NUDT3: variants seen among roughly 807,000 people sequenced by gnomAD.
The protein encoded by NUDT3 is diphosphoinositol polyphosphate phosphohydrolase 1.
Under a neutral mutation model 23.6 loss-of-function variants are expected in NUDT3, and 9 were observed. The ratio of observed to expected loss-of-function variants is 0.38; its 90% confidence interval spans 0.23 to 0.66. The LOEUF (loss-of-function observed/expected upper bound fraction) is 0.66, where lower values mean the gene tolerates loss of function less well. Among genes scored for constraint, NUDT3 ranks in the 30% least tolerant of loss-of-function variants. The pLI is 0.52. For missense variants in NUDT3, 172 were observed against 218.5 expected (o/e 0.79, Z 1.34); for synonymous variants, 86 against 82.6 (o/e 1.04, Z -0.22).
chr6:34,391,928 T>G (rs1014888783), intron 1 of NUDT3, among the ~76,000 whole-genome samples: 1 of 152,128 alleles, frequency 6.6e-6, no homozygotes, highest in African/African-American at 2.4e-5. Context: ...TCAAAGCCGT[T>G]GGCCTGGACC....
chr6:34,328,170 A>G (rs1189126457), intron 2 of NUDT3, among the ~76,000 whole-genome samples: 1 of 152,164 alleles, frequency 6.6e-6, no homozygotes, highest in African/African-American at 2.4e-5. Context: ...TTCCGCCCAC[A>G]GTGAACCACC....
intron 2 of NUDT3, among the ~76,000 whole-genome samples, chr6:34,334,009 C>T (rs937293660): frequency 6.6e-6 from 1 of 152,188 alleles, no homozygotes; most frequent in African/African-American, 2.4e-5. Context: ...GCAGGTCCTC[C>T]GCAGTGGAAG....
At chr6:34,323,383 A>G (rs1032532986) in intron 2 of NUDT3, among the ~76,000 whole-genome samples, 9 of 152,256 alleles carry the variant, frequency 5.9e-5, no homozygotes, top group African/African-American at 1.7e-4. Flanking sequence ...CCTGGGAAAC[A>G]TGGTGAAACT....
At chr6:34,307,472 A>G (rs1435398889) in intron 2 of NUDT3, among the ~76,000 whole-genome samples, 1 of 151,850 alleles carries the variant, frequency 6.6e-6, no homozygotes, top group Non-Finnish European at 1.5e-5. Context: ...GCTACTCAGG[A>G]GGGTGAGATG....
chr6:34,356,716 AT>A (rs1245890462), intron 1 of NUDT3, among the ~76,000 whole-genome samples: 1 of 151,832 alleles, frequency 6.6e-6, no homozygotes, highest in Non-Finnish European at 1.5e-5. Flanking sequence ...GGAAAAAAAA[AT>A]CAATCATTTA....
chr6:34,346,564 T>C (rs1038768183), intron 1 of NUDT3, among the ~76,000 whole-genome samples: 1 of 152,168 alleles, frequency 6.6e-6, no homozygotes, highest in African/African-American at 2.4e-5. Context: ...TTAGTAAATC[T>C]AGCAAGTGTT....
At chr6:34,388,969 T>C (rs1765152533) in intron 1 of NUDT3, among the ~76,000 whole-genome samples, 1 of 152,230 alleles carries the variant, frequency 6.6e-6, no homozygotes, top group African/African-American at 2.4e-5. Flanking sequence ...TTTAACAGTT[T>C]AAAATTTTAA....
intron 2 of NUDT3, among the ~76,000 whole-genome samples, chr6:34,304,251 CAA>C (rs60576919): frequency 0.029 from 2,333 of 81,146 alleles, 47 homozygotes; most frequent in African/African-American, 0.08. Flanking sequence ...AACTCTGTCT[CAA>C]AAAAAAAAAA....
chr6:34,288,563 TA>T lies in NUDT3; in HGVS notation c.*189del. On this transcript the variant is annotated 3_prime_UTR_variant, in exon 5 of 5. Coordinates refer to ENST00000607016, the MANE Select transcript of NUDT3 (RefSeq NM_006703.4). The stretch of plus-strand genomic sequence containing the variant: ...TTACACACCCAACCCCCACCCTCAA[TA>T]AAAACAGAAGAAAAAGCCCCATCAC... 2 of 749,428 alleles carry T rather than the reference TA, an allele frequency of 2.7e-6. No homozygotes were observed. The highest frequency in any genetic ancestry group is 4.0e-6 in the Non-Finnish European group (2 of 494,194). 46.4% of individuals were successfully genotyped at this position (749,428 alleles called of 1,614,324 possible).
intron 2 of NUDT3, among the ~76,000 whole-genome samples, chr6:34,325,979 T>C (rs981967516): frequency 1.3e-5 from 2 of 152,250 alleles, no homozygotes; most frequent in Non-Finnish European, 2.9e-5. Flanking sequence ...ACTTTTCATT[T>C]TGAAAAATGT....
At chr6:34,326,070 T>C (rs1049289444) in intron 2 of NUDT3, among the ~76,000 whole-genome samples, 1 of 150,978 alleles carries the variant, frequency 6.6e-6, no homozygotes, top group African/African-American at 2.5e-5. Flanking sequence ...TACATGTACA[T>C]TGTTATTAGG....
At chr6:34,387,755 G>A (rs1403453920) in intron 1 of NUDT3, among the ~76,000 whole-genome samples, 1 of 80,960 alleles carries the variant, frequency 1.2e-5, no homozygotes, top group Non-Finnish European at 4.1e-5. Context: ...TGTACAATGT[G>A]TTTTAAGCTA....
In NUDT3 at chr6:34,360,849, C is replaced by A. The variant is rs6931436; in HGVS notation, c.100-18877G>T. 5.6e-3 allele frequency among the ~76,000 whole-genome samples: 851 copies of A among 151,890 alleles called. 5 individuals carry two copies. Among genetic ancestry groups the A allele is most frequent in the Middle Eastern group, 0.017 (5 of 294 alleles). On this transcript the variant is annotated intron_variant, in intron 1 of 4. Transcript: ENST00000607016. ...ATAAAGGATTCATCCAAAATATACA[C>A]AGGACATTTAAAATTCAACAATAAA...
chr6:34,356,373 T>C (rs183444806), intron 1 of NUDT3, among the ~76,000 whole-genome samples: 1 of 152,322 alleles, frequency 6.6e-6, no homozygotes, highest in Non-Finnish European at 1.5e-5. Context: ...ATACTGATTC[T>C]TTCTACAGAA....
At chr6:34,324,860 AAG>A (rs142061894) in intron 2 of NUDT3, among the ~76,000 whole-genome samples, 12,586 of 152,186 alleles carry the variant, frequency 0.083, 689 homozygotes, top group Non-Finnish European at 0.12. Flanking sequence ...CTTCTCTGAA[AAG>A]AGAGAGAGGC....
rs373854640 is a variant in NUDT3, at chr6:34,282,108, A to C, written c.*6645T>G. 4 of 152,218 alleles carry C rather than the reference A, an allele frequency of 2.6e-5. No individual in the cohort carries two copies. Among genetic ancestry groups the C allele is most frequent in the African/African-American group, 9.6e-5 (4 of 41,452 alleles). The allele number at this position is 152,218 out of a possible 1,614,324, so 9.4% of individuals were successfully genotyped here. A position where few individuals can be genotyped will look rare whatever the true frequency, so the allele number is the denominator to read the frequency against. On this transcript the variant is annotated 3_prime_UTR_variant, in exon 5 of 5. Coordinates refer to ENST00000607016, the MANE Select transcript of NUDT3 (RefSeq NM_006703.4). ...GCATAAGTCATATCTGTTATGCTGC[A>C]GGAACTGAGTAACCAAAGCTAGATA...
At chr6:34,350,475 A>C (rs1306777788) in intron 1 of NUDT3, among the ~76,000 whole-genome samples, 2 of 151,066 alleles carry the variant, frequency 1.3e-5, no homozygotes, top group Non-Finnish European at 2.9e-5. Context: ...AGATAAATGG[A>C]CGTATACTAT....
chr6:34,293,728 G>A (rs1282669385), intron 3 of NUDT3, among the ~76,000 whole-genome samples, 193 bp from the exon 4 acceptor site: 1 of 152,136 alleles, frequency 6.6e-6, no homozygotes, highest in African/African-American at 2.4e-5. Context: ...TGTGCTCTTT[G>A]GCTGGACTTC....
At chr6:34,350,142 GC>G (rs1216177632) in intron 1 of NUDT3, among the ~76,000 whole-genome samples, 1 of 150,842 alleles carries the variant, frequency 6.6e-6, no homozygotes, top group Non-Finnish European at 1.5e-5. Flanking sequence ...GATAATCTAT[GC>G]CATAGGAAAT....
Sources: gnomAD v4.1 joint callset for allele counts (sites outside exome capture counted in the v4.1 genomes callset) on GRCh38, gnomAD v4.1.1 for gene constraint, MANE v1.5 for transcripts, NCBI Gene and HGNC (gene_info 2026-07-23, HGNC 2026-07-21) for gene names.